Variants in VIPAS39 observed in about 807,000 individuals in gnomAD.
VIPAS39 encodes spermatogenesis-defective protein 39 homolog.
VIPAS39 carries 63 observed loss-of-function variants against 84.7 expected under a neutral mutation model. The observed-to-expected ratio is 0.74, with a 90% CI of 0.61 to 0.92. The LOEUF (loss-of-function observed/expected upper bound fraction) is 0.92, where lower values mean the gene tolerates loss of function less well. VIPAS39 is among the 40% of genes least tolerant of loss of function. The pLI, the probability that VIPAS39 is intolerant of heterozygous loss-of-function variation, is 0.00. For missense variants in VIPAS39, 499 were observed against 604.5 expected (o/e 0.83, Z 1.83); for synonymous variants, 192 against 216.5 (o/e 0.89, Z 0.99).
At position 77,443,006 on chromosome 14, in the gene VIPAS39, T is replaced by C. The variant is rs1182097093; in HGVS notation, c.631+113A>G. ...CTCTGAAGTCTCAGGCCACCCCACTTGTCTCTGAAATAGACTTGACTAATG... is the reference window on the plus strand; with the variant it reads ...CTCTGAAGTCTCAGGCCACCCCACTCGTCTCTGAAATAGACTTGACTAATG... On this transcript the variant is annotated intron_variant, in intron 9 of 19. Transcript: ENST00000557658. The C allele has an allele frequency of 8.3e-6, 12 of 1,445,314 alleles. 1 individual carries two copies. In the East Asian group the frequency reaches 2.5e-4, roughly 31 times the overall value. 89.5% of individuals were successfully genotyped at this position (1,445,314 alleles called of 1,614,324 possible). A position where few individuals can be genotyped will look rare whatever the true frequency, so the allele number is the denominator to read the frequency against.
At chr14:77,437,234 C>T (rs1037970780) in intron 12 of VIPAS39, among the ~76,000 whole-genome samples, 6 of 152,128 alleles carry the variant, frequency 3.9e-5, no homozygotes, top group South Asian at 2.1e-4. Context: ...TTCAGCTTAA[C>T]GTAAGGAAGC....
intron 14 of VIPAS39, 100 bp downstream of exon 14, chr14:77,435,159 T>C (rs1277749488): frequency 6.4e-7 from 1 of 1,571,304 alleles, no homozygotes; most frequent in Non-Finnish European, 8.7e-7. Flanking sequence ...CTGAGAACTA[T>C]ACATACCCAT....
chr14:77,429,587 A>G, intron 17 of VIPAS39, 94 bp downstream of exon 17: 1 of 1,293,142 alleles, frequency 7.7e-7, no homozygotes. Flanking sequence ...AGGGAAAACA[A>G]GAGCAGATCG....
intron 11 of VIPAS39, among the ~76,000 whole-genome samples, chr14:77,438,963 T>G (rs545331497): frequency 6.6e-6 from 1 of 152,300 alleles, no homozygotes; most frequent in African/African-American, 2.4e-5. Context: ...CTTCGTAAAA[T>G]AGTTCATATA....
At position 77,434,179 on chromosome 14, in the gene VIPAS39, A is replaced by G. The variant is rs530909420; in HGVS notation, c.1089+83T>C. ...TTTAACCTTGAATATCAAAGGACAC[A>G]CTGTACAGGGTTACAAAGCAACATC... On this transcript the variant is annotated intron_variant, in intron 15 of 19. Coordinates refer to ENST00000557658, the MANE Select transcript of VIPAS39 (RefSeq NM_001193315.2). 1.8e-5 allele frequency: 25 copies of G among 1,410,952 alleles called. No individual in the cohort carries two copies. The African/African-American group carries it at 3.2e-4, about 18-fold the overall frequency. 87.4% of individuals were successfully genotyped at this position (1,410,952 alleles called of 1,614,324 possible).
intron 16 of VIPAS39, among the ~76,000 whole-genome samples, chr14:77,430,839 C>T (rs1204540095): frequency 6.6e-6 from 1 of 151,380 alleles, no homozygotes; most frequent in East Asian, 1.9e-4. Context: ...TAAAAACAAA[C>T]ACATAGACCA....
chr14:77,430,707 A>G (rs1478280582), intron 16 of VIPAS39, among the ~76,000 whole-genome samples: 11 of 131,008 alleles, frequency 8.4e-5, no homozygotes, highest in African/African-American at 2.8e-4. Context: ...ACAGAGCAAG[A>G]CTCTGTCTCA....
At chr14:77,445,083 C>G (rs968160017) in intron 7 of VIPAS39, among the ~76,000 whole-genome samples, 12 of 151,610 alleles carry the variant, frequency 7.9e-5, no homozygotes, top group Non-Finnish European at 1.5e-4. Flanking sequence ...CTCAGCCTCC[C>G]GAGTAGCTGG....
At chr14:77,440,647 T>G (rs2078687124) in intron 11 of VIPAS39, among the ~76,000 whole-genome samples, 1 of 152,206 alleles carries the variant, frequency 6.6e-6, no homozygotes, top group African/African-American at 2.4e-5. Context: ...CAGGTGCCTC[T>G]CTCTTCTGTA....
At chr14:77,444,490 A>T (rs529500252) in intron 7 of VIPAS39, 149 bp from the exon 8 acceptor site, 3 of 673,212 alleles carry the variant, frequency 4.5e-6, no homozygotes, top group Non-Finnish European at 7.4e-6. Flanking sequence ...CACTTATAAA[A>T]CAGTTGGCTC....
intron 7 of VIPAS39, among the ~76,000 whole-genome samples, chr14:77,447,861 C>T (rs2078818354): frequency 6.6e-6 from 1 of 151,536 alleles, no homozygotes; most frequent in African/African-American, 2.4e-5. Context: ...GGGGTTTCAC[C>T]ATGTTGGCCA....
In VIPAS39 at chr14:77,435,251, G is replaced by T. The variant is rs1166303273; in HGVS notation, c.1047+8C>A. 5 of 1,613,880 alleles carry T rather than the reference G, an allele frequency of 3.1e-6. No homozygotes were observed. The African/African-American group carries it at 5.3e-5, about 17-fold the overall frequency. On this transcript the variant is annotated splice_region_variant and intron_variant, in intron 14 of 19. Coordinates refer to ENST00000557658, the MANE Select transcript of VIPAS39 (RefSeq NM_001193315.2). ...GAGTTTGTGGAATCTTCCATATTTT[G>T]CCTGTACCTCAGCCTCTGTGTAGTG...
intron 16 of VIPAS39, 46 bp downstream of exon 16, chr14:77,433,796 C>T (rs1475876433): frequency 6.3e-7 from 1 of 1,584,732 alleles, no homozygotes; most frequent in African/African-American, 1.3e-5. Context: ...ATGATAGAAC[C>T]CTTCTGTCTC....
rs2078982933 is a variant in VIPAS39 at position 77,457,577 on chromosome 14, C to A, written c.-83G>T. On this transcript the variant is annotated 5_prime_UTR_variant, in exon 1 of 20. Coordinates refer to ENST00000557658, the MANE Select transcript of VIPAS39 (RefSeq NM_001193315.2). ...CAGCCCTTCTATTCAGGCTGTGCAG[C>A]TTAGAGAAGGGGGCGGAAGGGAATA... The A allele has an allele frequency of 3.4e-6, 2 of 591,958 alleles. No homozygotes were observed. The highest frequency in any genetic ancestry group is 6.2e-5 in the Admixed American group (2 of 32,280). The allele number at this position is 591,958 out of a possible 1,614,324, so 36.7% of individuals were successfully genotyped here.
Position 77,427,218 on chromosome 14 carries a change from C to T in VIPAS39, c.*398G>A, listed in dbSNP as rs572517135. 5.8e-4 allele frequency: 149 copies of T among 256,010 alleles called. No individual in the cohort carries two copies. The highest frequency in any genetic ancestry group is 1.3e-3 in the African/African-American group (59 of 45,162). 15.9% of individuals were successfully genotyped at this position (256,010 alleles called of 1,614,324 possible). ...CTGACTTCATTCAGAGCAGAACTGC[C>T]AATGTCCAGCGCCAAGTCCTGGATC... On this transcript the variant is annotated 3_prime_UTR_variant, in exon 20 of 20. Coordinates refer to ENST00000557658, the MANE Select transcript of VIPAS39 (RefSeq NM_001193315.2).
At chr14:77,444,385 C>T in intron 7 of VIPAS39, 44 bp from the exon 8 acceptor site, 1 of 1,534,624 alleles carries the variant, frequency 6.5e-7, no homozygotes, top group Non-Finnish European at 9.0e-7. Flanking sequence ...AGACAGTTTT[C>T]TTTATTCCTT....
chr14:77,432,833 A>G (rs1304102355), intron 16 of VIPAS39, among the ~76,000 whole-genome samples: 1 of 152,218 alleles, frequency 6.6e-6, no homozygotes, highest in Non-Finnish European at 1.5e-5. Context: ...GAATACAGTT[A>G]ATAATAGTGT....
intron 13 of VIPAS39, 132 bp from the exon 14 acceptor site, chr14:77,435,525 G>T (rs2078596923): frequency 7.8e-7 from 1 of 1,283,108 alleles, no homozygotes. Context: ...GAAAAAGAAA[G>T]AAATTGCCTA....
chr14:77,435,140 G>A, intron 14 of VIPAS39, 119 bp downstream of exon 14: 1 of 1,515,206 alleles, frequency 6.6e-7, no homozygotes, highest in Non-Finnish European at 9.1e-7. Flanking sequence ...AAAGCTTCCA[G>A]GTGGATTTCT....
Sources: gnomAD v4.1 joint callset for allele counts (sites outside exome capture counted in the v4.1 genomes callset) on GRCh38, gnomAD v4.1.1 for gene constraint, MANE v1.5 for transcripts, NCBI Gene and HGNC (gene_info 2026-07-23, HGNC 2026-07-21) for gene names.